The following PCYT1B variants were observed in gnomAD, a reference collection of about 807,000 sequenced individuals.
The protein encoded by PCYT1B is choline-phosphate cytidylyltransferase B.
In PCYT1B, 10 loss-of-function variants were observed where a neutral mutation model predicts 26.4. The ratio of observed to expected loss-of-function variants is 0.38; its 90% CI spans 0.23 to 0.64. The LOEUF (loss-of-function observed/expected upper bound fraction) is 0.64. Ranked by LOEUF, PCYT1B falls within the 30% of genes least tolerant of loss-of-function variation. PCYT1B has a pLI of 0.56. For synonymous variants in PCYT1B, 131 were observed against 108.4 expected (o/e 1.21, Z -1.29); for missense variants, 161 against 292.7 (o/e 0.55, Z 3.28).
chrX:24,593,652 G>A (rs1439217762), intron 3 of PCYT1B, among the ~76,000 whole-genome samples: 10 of 108,193 alleles, frequency 9.2e-5, no homozygotes, highest in African/African-American at 1.7e-4. Context: ...TCAGCCTCCC[G>A]AGTAGCTGGG....
chrX:24,656,551 C>CTTTTTTTTTTTTTTTTTTTTTTTT (rs1179469896), intron 1 of PCYT1B, among the ~76,000 whole-genome samples: 1 of 56,637 alleles, frequency 1.8e-5, no homozygotes, highest in Non-Finnish European at 3.0e-5. Context: ...TCTTTTTTTC[C>CTTTTTTTTTTTTTTTTTTTTTTTT]TTTTTTTTTT....
intron 7 of PCYT1B, among the ~76,000 whole-genome samples, chrX:24,573,723 T>G (rs1923929595): frequency 8.9e-6 from 1 of 111,805 alleles, no homozygotes; most frequent in African/African-American, 3.3e-5. Context: ...TGTTCTTCTT[T>G]ATGCATAGTG....
intron 1 of PCYT1B, among the ~76,000 whole-genome samples, chrX:24,627,145 G>A (rs766475785): frequency 1.2e-4 from 13 of 112,142 alleles, no homozygotes; most frequent in African/African-American, 4.2e-4. Flanking sequence ...CATGAGGCAT[G>A]AACATGCCTG....
At chrX:24,634,178 C>T (rs913552867) in intron 1 of PCYT1B, among the ~76,000 whole-genome samples, 4 of 111,598 alleles carry the variant, frequency 3.6e-5, no homozygotes, top group Admixed American at 9.6e-5. Context: ...CTCAGTGTCC[C>T]GAAGTGTTGG....
chrX:24,581,598 C>T (rs1678374319), intron 5 of PCYT1B, among the ~76,000 whole-genome samples: 1 of 112,364 alleles, frequency 8.9e-6, no homozygotes. Context: ...CTCCCCTTCC[C>T]TCCAAATACA....
chrX:24,655,145 G>T (rs756277580), intron 1 of PCYT1B, among the ~76,000 whole-genome samples: 19 of 112,173 alleles, frequency 1.7e-4, no homozygotes, highest in Non-Finnish European at 3.0e-4. Context: ...AATTTCAAAT[G>T]AATGAACAAA....
At chrX:24,588,534 A>G (rs990229986) in intron 4 of PCYT1B, among the ~76,000 whole-genome samples, 2 of 111,601 alleles carry the variant, frequency 1.8e-5, no homozygotes, top group African/African-American at 6.5e-5. Flanking sequence ...GTAGTTAAAT[A>G]CTTGAGAGGT....
chrX:24,601,370 G>A (rs1924955113), intron 3 of PCYT1B, among the ~76,000 whole-genome samples: 1 of 110,661 alleles, frequency 9.0e-6, no homozygotes, highest in Admixed American at 9.6e-5. Context: ...GCACATGCCT[G>A]TAATCCCAGC....
In PCYT1B at chrX:24,604,703, G is replaced by A. The variant is rs747663491; in HGVS notation, c.334+3042C>T. Reference sequence around the variant, plus strand: ...CCTGGGTAGCTGGCACTACAGGCATGCACCACCATGCCCAGCTTTCACTCT... The same window carrying A: ...CCTGGGTAGCTGGCACTACAGGCATACACCACCATGCCCAGCTTTCACTCT... On this transcript the variant is annotated intron_variant, in intron 3 of 7. Coordinates refer to ENST00000379144, the MANE Select transcript of PCYT1B (RefSeq NM_004845.5). 1.2e-3 allele frequency among the ~76,000 whole-genome samples: 133 copies of A among 111,353 alleles called. 1 individual carries two copies. Among genetic ancestry groups the A allele is most frequent in the African/African-American group, 4.1e-3 (127 of 30,688 alleles).
intron 3 of PCYT1B, among the ~76,000 whole-genome samples, chrX:24,590,833 G>A (rs765058816): frequency 2.2e-3 from 185 of 85,385 alleles, no homozygotes; most frequent in Non-Finnish European, 3.2e-3. Context: ...TCGCTCTATC[G>A]CCCAGGCTGG....
At chrX:24,649,845 C>A (rs772564388), upstream of PCYT1B, among the ~76,000 whole-genome samples, 1 of 112,421 alleles carries the variant, frequency 8.9e-6, no homozygotes, top group Admixed American at 9.5e-5. Flanking sequence ...AAGTCCGTCA[C>A]ACCTGACACT....
chrX:24,661,018 A>G (rs1240168235), intron 1 of PCYT1B, among the ~76,000 whole-genome samples: 1 of 111,736 alleles, frequency 8.9e-6, no homozygotes, highest in African/African-American at 3.3e-5. Context: ...GAAGATAACA[A>G]TACTCATATG....
chrX:24,617,522 AC>A (rs1925552372), intron 2 of PCYT1B, among the ~76,000 whole-genome samples: 1 of 101,934 alleles, frequency 9.8e-6, no homozygotes, highest in African/African-American at 3.6e-5. Context: ...ATCTCGGCTC[AC>A]TGCAACCTCC....
chrX:24,581,437 G>T (rs1425098452), intron 5 of PCYT1B, among the ~76,000 whole-genome samples: 3 of 111,765 alleles, frequency 2.7e-5, no homozygotes, highest in Non-Finnish European at 5.7e-5. Context: ...TGAAAGGGTT[G>T]GTTCCCCTCC....
chrX:24,572,347 G>T (rs1387276169), intron 7 of PCYT1B, among the ~76,000 whole-genome samples: 2 of 111,396 alleles, frequency 1.8e-5, no homozygotes, highest in Non-Finnish European at 3.8e-5. Flanking sequence ...ATGCTGGAAG[G>T]TTCTGTGAAT....
chrX:24,599,643 T>C (rs1280592896), intron 3 of PCYT1B, among the ~76,000 whole-genome samples: 1 of 111,925 alleles, frequency 8.9e-6, no homozygotes, highest in African/African-American at 3.2e-5. Flanking sequence ...ATACATATTT[T>C]TGTTTCAGAG....
At chrX:24,670,609 T>C (rs1163691772) in intron 1 of PCYT1B, among the ~76,000 whole-genome samples, 1 of 112,247 alleles carries the variant, frequency 8.9e-6, no homozygotes, top group Non-Finnish European at 1.9e-5. Context: ...CCATTAATAA[T>C]GTAATCCATT....
chrX:24,671,063 G>A (rs1316707679), intron 1 of PCYT1B, among the ~76,000 whole-genome samples: 1 of 110,365 alleles, frequency 9.1e-6, no homozygotes, highest in African/African-American at 3.3e-5. Flanking sequence ...CACCTCCTGG[G>A]TTCAAGCAAT....
rs748838990 is a variant in PCYT1B, at chrX:24,562,395, G to A, written c.1008C>T (p.Pro336=). ...RSRSPSRSPS[P]TFSWLPLKTS... is the part of the protein sequence containing the mutation. ...TTTTGAGTGGAAGCCATGAGAAGGT[G>A]GGCGATGGGGAGCGGGAAGGGGACC... The change falls in exon 8 of 8, where the codon CCC becomes CCT. Residue 336 remains proline (P), a synonymous_variant. Coordinates refer to ENST00000379144, the MANE Select transcript of PCYT1B (RefSeq NM_004845.5). 1.1e-4 allele frequency: 133 copies of A among 1,184,733 alleles called. No individual in the cohort carries two copies. The highest frequency in any genetic ancestry group is 1.4e-4 in the Non-Finnish European group (124 of 883,581).
Sources: allele counts gnomAD v4.1 joint callset (sites outside exome capture counted in the v4.1 genomes callset), GRCh38; gene constraint gnomAD v4.1.1; transcripts MANE v1.5; gene names NCBI Gene and HGNC (gene_info 2026-07-23, HGNC 2026-07-21).